Variants in STK3 observed in about 807,000 individuals in gnomAD.
STK3 encodes serine/threonine kinase 3.
In STK3, 41 loss-of-function variants were observed where a neutral mutation model predicts 58.0. The ratio of observed to expected loss-of-function variants is 0.71; its 90% CI spans 0.55 to 0.92. The LOEUF (loss-of-function observed/expected upper bound fraction) is 0.92, where lower values mean the gene tolerates loss of function less well. Among genes scored for constraint, STK3 ranks in the 40% least tolerant of loss-of-function variants. The pLI is 0.00. For synonymous variants in STK3, 170 were observed against 191.0 expected (o/e 0.89, Z 0.91); for missense variants, 479 against 602.7 (o/e 0.79, Z 2.15).
chr8:98,648,511 T>C (rs1820587498), intron 6 of STK3, among the ~76,000 whole-genome samples: 1 of 152,206 alleles, frequency 6.6e-6, no homozygotes, highest in Non-Finnish European at 1.5e-5. Flanking sequence ...AGAAAAGAAG[T>C]AAATGTCACA....
At chr8:98,790,956 C>G (rs1832766540) in intron 1 of STK3, among the ~76,000 whole-genome samples, 1 of 151,798 alleles carries the variant, frequency 6.6e-6, no homozygotes, top group South Asian at 2.1e-4. Context: ...TGCACTCCAG[C>G]CTGGGGGACA....
At chr8:98,589,427 C>T (rs1286506372) in intron 7 of STK3, among the ~76,000 whole-genome samples, 1 of 152,210 alleles carries the variant, frequency 6.6e-6, no homozygotes, top group Non-Finnish European at 1.5e-5. Flanking sequence ...AGGGGTCATG[C>T]ACCCACTTAA....
At chr8:98,575,966 C>A (rs564452030) in intron 8 of STK3, among the ~76,000 whole-genome samples, 122 of 152,192 alleles carry the variant, frequency 8.0e-4, no homozygotes, top group Non-Finnish European at 1.3e-3. Flanking sequence ...CTGACAAATC[C>A]AAAGTCATGA....
intron 3 of STK3, among the ~76,000 whole-genome samples, chr8:98,426,384 A>G (rs528008664): frequency 6.6e-6 from 1 of 152,230 alleles, no homozygotes; most frequent in African/African-American, 2.4e-5. Flanking sequence ...CTCAGCCTAC[A>G]TACACACACA....
chr8:98,773,394 C>A (rs1831447066), intron 2 of STK3, among the ~76,000 whole-genome samples: 1 of 152,096 alleles, frequency 6.6e-6, no homozygotes. Context: ...TTTAATGTAT[C>A]TAATATAAAT....
chr8:98,622,285 GGATTTTTTTGGTTTACTTTCCCT>G, intron 6 of STK3, among the ~76,000 whole-genome samples: 2 of 151,108 alleles, frequency 1.3e-5, no homozygotes, highest in African/African-American at 4.9e-5. Context: ...AAAAAAAATT[GGATTTTTTTGGTTTACTTTCCCT>G]GATTCTATTA....
At chr8:98,907,775 A>G (rs1351978058) in intron 1 of STK3, among the ~76,000 whole-genome samples, 1 of 152,204 alleles carries the variant, frequency 6.6e-6, no homozygotes, top group Admixed American at 6.5e-5. Context: ...GATTTCCCCA[A>G]TTGTGTCATA....
intron 3 of STK3, among the ~76,000 whole-genome samples, chr8:98,416,155 G>A (rs575401601): frequency 6.6e-6 from 1 of 152,294 alleles, no homozygotes; most frequent in East Asian, 1.9e-4. Context: ...ATTGCCCAGA[G>A]CAAGCCACGT....
chr8:98,696,228 G>C (rs1242476996), intron 6 of STK3, among the ~76,000 whole-genome samples: 3 of 152,208 alleles, frequency 2.0e-5, no homozygotes, highest in African/African-American at 7.2e-5. Context: ...CTTTGCTGAA[G>C]TTGTTTATCA....
chr8:98,907,732 C>T (rs902321118), intron 1 of STK3, among the ~76,000 whole-genome samples: 2 of 152,130 alleles, frequency 1.3e-5, no homozygotes, highest in African/African-American at 2.4e-5. Context: ...ATTAATAATG[C>T]CTTCACATCA....
At chr8:98,905,682 C>T in intron 1 of STK3, 1 of 710,786 alleles carries the variant, frequency 1.4e-6, no homozygotes, top group Non-Finnish European at 2.6e-6. Flanking sequence ...CGGACAAGCA[C>T]CTCTGGGTGG....
rs148056830 is a variant in STK3, at chr8:98,620,738, A to T, written c.685-24569T>A. On this transcript the variant is annotated intron_variant, in intron 6 of 10. Transcript: ENST00000419617. ...TGAAAAAAGTTAAAAATATCAATGT[A>T]ACAAACAGCTATTTTAAAAAACACA... 4.6e-5 allele frequency among the ~76,000 whole-genome samples: 7 copies of T among 152,006 alleles called. No homozygotes were observed. In the East Asian group the frequency reaches 1.3e-3, roughly 29 times the overall value.
chr8:98,904,800 A>T (rs1427789949), intron 1 of STK3: 2 of 663,100 alleles, frequency 3.0e-6, no homozygotes, highest in Admixed American at 1.8e-5. Context: ...AGCGGCAGCC[A>T]TAGTAGCTGA....
chr8:98,767,445 T>C (rs751279633), intron 2 of STK3, 74 bp from the exon 3 acceptor site: 59 of 1,370,792 alleles, frequency 4.3e-5, no homozygotes, highest in Non-Finnish European at 5.3e-5. Flanking sequence ...ACTATGAGTT[T>C]TCTGTGGATA....
At chr8:98,872,638 T>C (rs972233674) in intron 3 of STK3, among the ~76,000 whole-genome samples, 2 of 152,224 alleles carry the variant, frequency 1.3e-5, no homozygotes, top group Admixed American at 6.5e-5. Flanking sequence ...GAGGTGTTTA[T>C]AGTATTCTCT....
chr8:98,642,403 A>G (rs1820094467), intron 6 of STK3, among the ~76,000 whole-genome samples: 1 of 152,186 alleles, frequency 6.6e-6, no homozygotes, highest in South Asian at 2.1e-4. Flanking sequence ...GTTACCATTT[A>G]TTAAGTGCCT....
chr8:98,593,421 T>G (rs1815507111), intron 7 of STK3, among the ~76,000 whole-genome samples: 1 of 152,176 alleles, frequency 6.6e-6, no homozygotes, highest in Non-Finnish European at 1.5e-5. Flanking sequence ...GTAATCAGAT[T>G]GTCCACTGAG....
chr8:98,893,887 AT>A (rs1333363338), intron 1 of STK3, among the ~76,000 whole-genome samples: 1 of 152,156 alleles, frequency 6.6e-6, no homozygotes, highest in East Asian at 1.9e-4. Context: ...GTTATGAATA[AT>A]TTTTTGCTTA....
intron 8 of STK3, among the ~76,000 whole-genome samples, chr8:98,549,971 C>T (rs986582492): frequency 2.6e-5 from 4 of 152,144 alleles, no homozygotes; most frequent in Admixed American, 6.5e-5. Context: ...GGTGCCACTG[C>T]TCTCCAGCCG....
Sources: gnomAD v4.1 joint callset for allele counts (sites outside exome capture counted in the v4.1 genomes callset) on GRCh38, gnomAD v4.1.1 for gene constraint, MANE v1.5 for transcripts, NCBI Gene and HGNC (gene_info 2026-07-23, HGNC 2026-07-21) for gene names.